Variants in CTCFL observed in about 807,000 individuals in gnomAD.
CTCFL encodes the protein CCCTC-binding factor like, also known as transcriptional repressor CTCFL.
In CTCFL, 36 loss-of-function variants were observed where a neutral mutation model predicts 67.4. The ratio of observed to expected loss-of-function variants is 0.53; its 90% CI spans 0.41 to 0.71. CTCFL has a LOEUF of 0.71. CTCFL is among the 30% of genes least tolerant of loss of function. CTCFL has a pLI of 0.00. For missense variants in CTCFL, 786 were observed against 835.2 expected (o/e 0.94, Z 0.73); for synonymous variants, 324 against 302.3 (o/e 1.07, Z -0.75).
intron 5 of CTCFL, among the ~76,000 whole-genome samples, chr20:57,516,806 T>C (rs2068954840): frequency 6.6e-6 from 1 of 152,228 alleles, no homozygotes. Flanking sequence ...GCAAACAACA[T>C]AATACCTCCC....
At chr20:57,506,178 C>T (rs1196403779) in intron 9 of CTCFL, among the ~76,000 whole-genome samples, 3 of 152,228 alleles carry the variant, frequency 2.0e-5, no homozygotes, top group Admixed American at 6.5e-5. Context: ...GCTTCCATGA[C>T]ACAAGGGCAG....
chr20:57,504,228 G>A (rs1465066858), intron 9 of CTCFL, among the ~76,000 whole-genome samples: 6 of 150,024 alleles, frequency 4.0e-5, no homozygotes, highest in Non-Finnish European at 1.5e-5. Flanking sequence ...TGCCCACCTT[G>A]GCCTCCCAGA....
intron 3 of CTCFL, among the ~76,000 whole-genome samples, chr20:57,521,426 G>C (rs1242883026): frequency 6.6e-6 from 1 of 152,202 alleles, no homozygotes; most frequent in East Asian, 1.9e-4. Flanking sequence ...AACAAGCGTT[G>C]GTGAGGATGT....
At chr20:57,504,627 G>T (rs756320011) in intron 9 of CTCFL, among the ~76,000 whole-genome samples, 1 of 151,760 alleles carries the variant, frequency 6.6e-6, no homozygotes, top group Non-Finnish European at 1.5e-5. Context: ...TTAGAAACCT[G>T]GCTCTTTACC....
intron 4 of CTCFL, 98 bp downstream of exon 4, chr20:57,519,109 T>A (rs1371119122): frequency 3.7e-6 from 5 of 1,333,968 alleles, no homozygotes; most frequent in African/African-American, 2.9e-5. Flanking sequence ...AAGTATAAAA[T>A]GTTACACGAT....
At position 57,519,289 on chromosome 20, in the gene CTCFL, A is replaced by G. The variant is rs770494963; in HGVS notation, c.843T>C (p.Ser281=). The G allele has an allele frequency of 6.2e-7, 1 of 1,614,106 alleles. No homozygotes were observed. Among genetic ancestry groups the G allele is most frequent in the East Asian group, 2.2e-5 (1 of 44,884 alleles). Residue 281 remains serine, a synonymous_variant, in exon 4 of 11, where the codon AGT becomes AGC. Coordinates refer to ENST00000243914, the MANE Select transcript of CTCFL (RefSeq NM_001386993.1). ...AGAGGTGACACAGGTGAGGCTTCTC[A>G]CTGGTGTGAGTTTTCATATGACGAT... The part of the protein sequence containing the change: ...SFNRHMKTHT[S]EKPHLCHLCL...
chr20:57,522,954 G>T, intron 3 of CTCFL, 114 bp downstream of exon 3: 1 of 817,098 alleles, frequency 1.2e-6, no homozygotes, highest in Non-Finnish European at 2.0e-6. Context: ...CCCATTTCCT[G>T]ACATTTTGAA....
chr20:57,523,289 ACAAATATT>A lies in CTCFL; in HGVS notation c.544-19_544-12del, dbSNP rs1372081395. ...CTGCTCTTCCTCGAGCTAATAAACA[ACAAATATT>A]CAAATATGATACTATTGATTTCAGT... On this transcript the variant is annotated splice_polypyrimidine_tract_variant and intron_variant, in intron 2 of 10. Coordinates refer to ENST00000243914, the MANE Select transcript of CTCFL (RefSeq NM_001386993.1). The A allele has an allele frequency of 5.6e-6, 9 of 1,606,382 alleles. No homozygotes were observed. Among genetic ancestry groups the A allele is most frequent in the Non-Finnish European group, 7.7e-6 (9 of 1,174,660 alleles).
At chr20:57,504,192 G>A (rs1036890069) in intron 9 of CTCFL, among the ~76,000 whole-genome samples, 5 of 151,706 alleles carry the variant, frequency 3.3e-5, no homozygotes, top group Admixed American at 1.3e-4. Flanking sequence ...TAGCCAGGAT[G>A]GTCTCGATCT....
At chr20:57,523,409 G>T in intron 2 of CTCFL, 131 bp from the exon 3 acceptor site, 2 of 1,007,446 alleles carry the variant, frequency 2.0e-6, no homozygotes, top group East Asian at 2.6e-5. Flanking sequence ...TAATTATTTC[G>T]CATCAGGGTT....
chr20:57,507,938 T>C lies in CTCFL; in HGVS notation c.1674+668A>G, dbSNP rs79156876. The stretch of plus-strand genomic sequence containing the variant: ...AGTACCAACAGCACTATTCTTTTTT[T>C]TTTAATTAAAAAAGTTATTTTAGAG... On this transcript the variant is annotated intron_variant, in intron 9 of 10. Coordinates refer to ENST00000243914, the MANE Select transcript of CTCFL (RefSeq NM_001386993.1). 1,402 of 670,108 alleles carry C rather than the reference T, an allele frequency of 2.1e-3. 14 individuals carry two copies. The African/African-American group carries it at 0.023, about 11-fold the overall frequency. The allele number at this position is 670,108 out of a possible 1,614,324, so 41.5% of individuals were successfully genotyped here.
At chr20:57,507,016 A>G in intron 9 of CTCFL, 3 of 985,536 alleles carry the variant, frequency 3.0e-6, no homozygotes, top group Non-Finnish European at 3.6e-6. Context: ...TTCAACTTTT[A>G]TAAAACTTTT....
intron 5 of CTCFL, 48 bp from the exon 6 acceptor site, chr20:57,515,882 G>A (rs1299926113): frequency 6.3e-7 from 1 of 1,574,926 alleles, no homozygotes; most frequent in South Asian, 1.2e-5. Context: ...CTAAAAAATG[G>A]CAGAGTCTTC....
intron 8 of CTCFL, among the ~76,000 whole-genome samples, chr20:57,510,619 T>C (rs899596472): frequency 2.0e-5 from 3 of 152,198 alleles, no homozygotes; most frequent in Non-Finnish European, 4.4e-5. Flanking sequence ...ATCCCAGCAC[T>C]TTGGGAGGCC....
At chr20:57,520,719 C>T (rs552034742) in intron 3 of CTCFL, among the ~76,000 whole-genome samples, 1 of 152,266 alleles carries the variant, frequency 6.6e-6, no homozygotes, top group Admixed American at 6.5e-5. Flanking sequence ...TTCATAAATC[C>T]AACACCGTTT....
chr20:57,498,885 T>G (rs531138813), intron 10 of CTCFL, among the ~76,000 whole-genome samples, 184 bp from the exon 11 acceptor site: 51 of 152,208 alleles, frequency 3.4e-4, no homozygotes, highest in African/African-American at 1.2e-3. Flanking sequence ...AGTCAGGGCT[T>G]CTTAGCCTCA....
intron 9 of CTCFL, 70 bp downstream of exon 9, chr20:57,508,536 G>C (rs551207126): frequency 3.4e-6 from 5 of 1,464,912 alleles, no homozygotes; most frequent in Non-Finnish European, 4.7e-6. Flanking sequence ...AACTCTCCTG[G>C]TGTGACACTG....
rs1308592926 is a variant in CTCFL, at chr20:57,505,201, GCTTT to G, written c.1675-1604_1675-1601del. On this transcript the variant is annotated intron_variant, in intron 9 of 10. Coordinates refer to ENST00000243914, the MANE Select transcript of CTCFL (RefSeq NM_001386993.1). ...CTTAGCTCTAGCCAAAAGCTAGCTT[GCTTT>G]AAGTATTTTTTTTTAATAATAGAAA... 3.3e-5 allele frequency among the ~76,000 whole-genome samples: 5 copies of G among 151,704 alleles called. 1 individual carries two copies. The highest frequency in any genetic ancestry group is 5.9e-5 in the Non-Finnish European group (4 of 67,846).
intron 3 of CTCFL, among the ~76,000 whole-genome samples, chr20:57,521,951 C>T (rs114212119): frequency 0.011 from 1,681 of 152,256 alleles, 44 homozygotes; most frequent in African/African-American, 0.038. Context: ...ACTGCCTAAT[C>T]GGTACAGGCC....
Sources: gnomAD v4.1 joint callset for allele counts (sites outside exome capture counted in the v4.1 genomes callset) on GRCh38, gnomAD v4.1.1 for gene constraint, MANE v1.5 for transcripts, NCBI Gene and HGNC (gene_info 2026-07-23, HGNC 2026-07-21) for gene names.